The following ZNG1B variants were observed in gnomAD, a reference collection of about 807,000 sequenced individuals.
ZNG1B encodes the protein zinc-regulated GTPase metalloprotein activator 1B.
the ZNG1B span, chr2:113,437,730 G>T: frequency 5.2e-6 from 8 of 1,525,786 alleles, no homozygotes; most frequent in African/African-American, 2.7e-5. Context: ...CAGGTAATCC[G>T]GGCGGGATCA....
chr2:113,474,633 T>C, the ZNG1B span, among the ~76,000 whole-genome samples: 2 of 138,854 alleles, frequency 1.4e-5, no homozygotes, highest in African/African-American at 5.6e-5. Context: ...TTTAGTGCTA[T>C]AAATTTCCCT....
At chr2:113,474,062 G>A in the ZNG1B span, among the ~76,000 whole-genome samples, 18 of 151,972 alleles carry the variant, frequency 1.2e-4, no homozygotes, top group East Asian at 7.8e-4. Context: ...AGAAGGAATC[G>A]TACCAGTTCC....
chr2:113,477,391 C>T, the ZNG1B span, among the ~76,000 whole-genome samples: 7 of 152,066 alleles, frequency 4.6e-5, no homozygotes, highest in South Asian at 2.1e-4. Flanking sequence ...GGATGGTGCA[C>T]GCACCCACTG....
At chr2:113,483,378 C>T in the ZNG1B span, among the ~76,000 whole-genome samples, 1 of 152,116 alleles carries the variant, frequency 6.6e-6, no homozygotes, top group East Asian at 1.9e-4. Flanking sequence ...ACATTCCTTA[C>T]GTATAAAATC....
the ZNG1B span, among the ~76,000 whole-genome samples, chr2:113,479,143 A>G: frequency 7.7e-5 from 11 of 143,738 alleles, 1 homozygote; most frequent in Admixed American, 5.7e-4. Flanking sequence ...AGTTATTTCT[A>G]TTTTTCTAAA....
At chr2:113,467,935 A>G in the ZNG1B span, among the ~76,000 whole-genome samples, 1 of 146,698 alleles carries the variant, frequency 6.8e-6, no homozygotes, top group Non-Finnish European at 1.5e-5. Context: ...GAATGCCATG[A>G]TACATAGTTT....
At chr2:113,445,132 A>G in the ZNG1B span, 1 of 1,559,550 alleles carries the variant, frequency 6.4e-7, no homozygotes, top group Non-Finnish European at 8.7e-7. Context: ...GGAATATCTA[A>G]CATGAGGATT....
At chr2:113,451,771 G>A in the ZNG1B span, among the ~76,000 whole-genome samples, 1 of 150,524 alleles carries the variant, frequency 6.6e-6, no homozygotes, top group African/African-American at 2.4e-5. Context: ...TTAGAATAAA[G>A]CATTAATATA....
the ZNG1B span, chr2:113,453,083 T>C: frequency 2.6e-6 from 4 of 1,524,572 alleles, no homozygotes; most frequent in South Asian, 4.9e-5. Context: ...ATGGATAGAA[T>C]CATGTTTCTC....
At chr2:113,490,317 A>G in the ZNG1B span, among the ~76,000 whole-genome samples, 1 of 152,314 alleles carries the variant, frequency 6.6e-6, no homozygotes, top group African/African-American at 2.4e-5. Flanking sequence ...GAATGACAAT[A>G]GTGACACAAC....
the ZNG1B span, among the ~76,000 whole-genome samples, chr2:113,473,980 A>G: frequency 3.3e-5 from 5 of 150,594 alleles, no homozygotes; most frequent in East Asian, 6.0e-4. Context: ...CGGCTTTGGT[A>G]TCAGGATGAT....
the ZNG1B span, chr2:113,460,650 T>C: frequency 6.3e-7 from 1 of 1,592,740 alleles, no homozygotes; most frequent in Non-Finnish European, 8.5e-7. Flanking sequence ...ATAGTAACTT[T>C]ATTCAAACTT....
the ZNG1B span, among the ~76,000 whole-genome samples, chr2:113,464,819 T>C: frequency 6.6e-6 from 1 of 151,820 alleles, no homozygotes; most frequent in Non-Finnish European, 1.5e-5. Flanking sequence ...TGACTATTTA[T>C]GAATGATTTT....
chr2:113,461,540 T>C, the ZNG1B span, among the ~76,000 whole-genome samples: 1 of 152,172 alleles, frequency 6.6e-6, no homozygotes, highest in East Asian at 1.9e-4. Context: ...TTTTGAGAAT[T>C]TAGTTGTATT....
the ZNG1B span, among the ~76,000 whole-genome samples, chr2:113,442,150 T>C: frequency 1.3e-5 from 2 of 152,204 alleles, no homozygotes; most frequent in Admixed American, 1.3e-4. Context: ...TTAATGTTTA[T>C]TATCTGCAAT....
the ZNG1B span, chr2:113,453,306 G>T: frequency 9.9e-6 from 15 of 1,521,752 alleles, no homozygotes; most frequent in Non-Finnish European, 1.3e-5. Context: ...TGCATGGAGT[G>T]CAGTGGCATG....
the ZNG1B span, among the ~76,000 whole-genome samples, chr2:113,492,197 A>T: frequency 7.1e-6 from 1 of 140,314 alleles, no homozygotes; most frequent in Non-Finnish European, 1.6e-5. Context: ...ACGCATGTTT[A>T]TAGCAGCACA....
chr2:113,440,185 C>T, the ZNG1B span, among the ~76,000 whole-genome samples: 1 of 152,052 alleles, frequency 6.6e-6, no homozygotes, highest in African/African-American at 2.4e-5. Context: ...CGCCCGGCCC[C>T]CTTAATATTT....
chr2:113,495,209 G>C, the ZNG1B span: 1 of 1,509,694 alleles, frequency 6.6e-7, no homozygotes, highest in Non-Finnish European at 8.9e-7. Flanking sequence ...CAGTGAGCTG[G>C]AAGGATGACA....
Sources: gnomAD v4.1 joint callset for allele counts (sites outside exome capture counted in the v4.1 genomes callset) on GRCh38, gnomAD v4.1.1 for gene constraint, MANE v1.5 for transcripts, NCBI Gene and HGNC (gene_info 2026-07-23, HGNC 2026-07-21) for gene names.